The following ENOX1 variants were observed in gnomAD, a reference collection of about 807,000 sequenced individuals.
ENOX1 encodes the protein ecto-NOX disulfide-thiol exchanger 1.
ENOX1 carries 42 observed loss-of-function variants against 82.5 expected under a neutral mutation model. The observed-to-expected ratio is 0.51, with a 90% CI of 0.40 to 0.66. The LOEUF is 0.66. ENOX1 is among the 30% of genes least tolerant of loss of function. The pLI is 0.00. For synonymous variants in ENOX1, 271 were observed against 282.2 expected (o/e 0.96, Z 0.40); for missense variants, 608 against 811.6 (o/e 0.75, Z 3.05).
At position 43,213,814 on chromosome 13, in the gene ENOX1, T is replaced by A; in HGVS notation, c.*176A>T. On this transcript the variant is annotated 3_prime_UTR_variant, in exon 17 of 17. Transcript: ENST00000690772. ...TGAAGCTTTGTTTATTTTAAGAAAC[T>A]GGTACACAATTACATTTCCACTTAC... 5.6e-6 allele frequency: 3 copies of A among 537,954 alleles called. No individual in the cohort carries two copies. Among genetic ancestry groups the A allele is most frequent in the Non-Finnish European group, 9.3e-6 (3 of 323,178 alleles). The allele number at this position is 537,954 out of a possible 1,614,324, so 33.3% of individuals were successfully genotyped here.
chr13:43,245,084 C>A (rs1258495860), intron 14 of ENOX1, among the ~76,000 whole-genome samples: 4 of 152,162 alleles, frequency 2.6e-5, no homozygotes, highest in African/African-American at 9.7e-5. Flanking sequence ...TGGAGATATC[C>A]CTTCACACTT....
intron 14 of ENOX1, among the ~76,000 whole-genome samples, chr13:43,245,604 C>A (rs1472904131): frequency 2.0e-5 from 3 of 152,176 alleles, no homozygotes; most frequent in African/African-American, 7.2e-5. Context: ...GCAGCAATCC[C>A]AAGGCCTTGC....
chr13:43,657,857 T>C (rs1464224541), intron 2 of ENOX1, among the ~76,000 whole-genome samples: 1 of 152,206 alleles, frequency 6.6e-6, no homozygotes, highest in African/African-American at 2.4e-5. Context: ...TTATTTTAAT[T>C]ACTTGATAGG....
intron 3 of ENOX1, among the ~76,000 whole-genome samples, chr13:43,465,571 C>A (rs528967554): frequency 6.6e-6 from 1 of 152,240 alleles, no homozygotes; most frequent in African/African-American, 2.4e-5. Flanking sequence ...TTAGAAACCA[C>A]GGTCTGGGCA....
At chr13:43,643,758 A>C (rs2083770737) in intron 2 of ENOX1, among the ~76,000 whole-genome samples, 1 of 152,084 alleles carries the variant, frequency 6.6e-6, no homozygotes, top group Non-Finnish European at 1.5e-5. Flanking sequence ...ACATAGTAGC[A>C]GCAAATCAAG....
At chr13:43,695,606 C>T (rs933493976) in intron 1 of ENOX1, among the ~76,000 whole-genome samples, 1 of 151,996 alleles carries the variant, frequency 6.6e-6, no homozygotes, top group Admixed American at 6.6e-5. Context: ...CACCACCGTG[C>T]CCAGCTAATT....
chr13:43,653,326 G>A lies in ENOX1; in HGVS notation c.-219+14153C>T, dbSNP rs576491496. Reference sequence around the variant, plus strand: ...AAAACATTCTAACCTTTAGCATTATGCACAACTTTTTAAATCCAGAGAATG... The same window carrying A: ...AAAACATTCTAACCTTTAGCATTATACACAACTTTTTAAATCCAGAGAATG... On this transcript the variant is annotated intron_variant, in intron 2 of 16. Transcript: ENST00000690772. 2.6e-5 allele frequency among the ~76,000 whole-genome samples: 4 copies of A among 152,306 alleles called. No homozygotes were observed. In the South Asian group the frequency reaches 8.3e-4, roughly 32 times the overall value.
intron 2 of ENOX1, among the ~76,000 whole-genome samples, chr13:43,599,837 T>C (rs992430549): frequency 1.3e-5 from 2 of 151,578 alleles, no homozygotes; most frequent in South Asian, 4.2e-4. Context: ...ACTTGCAACT[T>C]GGATACTAGC....
intron 1 of ENOX1, among the ~76,000 whole-genome samples, chr13:43,777,687 C>G (rs961759969): frequency 6.6e-6 from 1 of 151,772 alleles, no homozygotes; most frequent in African/African-American, 2.4e-5. Flanking sequence ...GGATTACAGG[C>G]GCCCACCACT....
chr13:43,608,081 T>A (rs987670410), intron 2 of ENOX1, among the ~76,000 whole-genome samples: 2 of 152,220 alleles, frequency 1.3e-5, no homozygotes, highest in African/African-American at 2.4e-5. Context: ...CTTTGTTATG[T>A]GTTCCTGAAA....
chr13:43,249,505 T>C (rs1392169738), intron 14 of ENOX1, among the ~76,000 whole-genome samples: 3 of 152,242 alleles, frequency 2.0e-5, no homozygotes, highest in Non-Finnish European at 4.4e-5. Flanking sequence ...TTATCTTGTA[T>C]GATACTAACT....
chr13:43,687,494 T>A (rs1013519606), intron 1 of ENOX1, among the ~76,000 whole-genome samples: 1 of 152,192 alleles, frequency 6.6e-6, no homozygotes, highest in East Asian at 1.9e-4. Context: ...CTTCCCCACT[T>A]GTACCCACCA....
At chr13:43,638,166 G>A (rs868012063) in intron 2 of ENOX1, among the ~76,000 whole-genome samples, 1 of 152,250 alleles carries the variant, frequency 6.6e-6, no homozygotes, top group Middle Eastern at 3.4e-3. Flanking sequence ...AAGAAATAAT[G>A]ATACATCTTG....
intron 2 of ENOX1, among the ~76,000 whole-genome samples, chr13:43,523,886 T>C (rs1330487179): frequency 6.6e-6 from 1 of 152,154 alleles, no homozygotes; most frequent in African/African-American, 2.4e-5. Flanking sequence ...GTGATTCACG[T>C]GCAGGACATC....
chr13:43,476,871 C>T (rs1386377749), intron 3 of ENOX1, among the ~76,000 whole-genome samples: 1 of 152,046 alleles, frequency 6.6e-6, no homozygotes, highest in Admixed American at 6.6e-5. Context: ...CATACAGTCA[C>T]CTCATATATC....
intron 6 of ENOX1, among the ~76,000 whole-genome samples, chr13:43,360,851 A>G (rs1485770413): frequency 6.6e-6 from 1 of 152,200 alleles, no homozygotes; most frequent in Non-Finnish European, 1.5e-5. Context: ...AGAAACTCTG[A>G]GATGCAGGCT....
At chr13:43,651,987 A>C (rs944794390) in intron 2 of ENOX1, among the ~76,000 whole-genome samples, 5 of 151,880 alleles carry the variant, frequency 3.3e-5, no homozygotes, top group East Asian at 3.9e-4. Context: ...AAAAAAAAAA[A>C]AAAAAAACTT....
At chr13:43,575,214 G>A (rs2080365942) in intron 2 of ENOX1, among the ~76,000 whole-genome samples, 1 of 152,274 alleles carries the variant, frequency 6.6e-6, no homozygotes, top group Non-Finnish European at 1.5e-5. Context: ...GGACTGCACA[G>A]GACTTTCTCA....
At chr13:43,661,776 A>C (rs1438802336) in intron 2 of ENOX1, among the ~76,000 whole-genome samples, 1 of 152,218 alleles carries the variant, frequency 6.6e-6, no homozygotes, top group Non-Finnish European at 1.5e-5. Context: ...GGACTGAATT[A>C]GGACTGATAA....
Sources: allele counts gnomAD v4.1 joint callset (sites outside exome capture counted in the v4.1 genomes callset), GRCh38; gene constraint gnomAD v4.1.1; transcripts MANE v1.5; gene names NCBI Gene and HGNC (gene_info 2026-07-23, HGNC 2026-07-21).